USH2A: variants seen among roughly 807,000 people sequenced by gnomAD.
USH2A encodes Usher syndrome 2A (autosomal recessive, mild).
USH2A carries 443 observed loss-of-function variants against 538.9 expected under a neutral mutation model. The observed-to-expected ratio is 0.82, with a 90% CI of 0.76 to 0.89. The LOEUF is 0.89. Ranked by LOEUF, USH2A falls within the 40% of genes least tolerant of loss-of-function variation. The pLI is 0.00. For synonymous variants in USH2A, 2,413 were observed against 2,273.5 expected (o/e 1.06, Z -1.75); for missense variants, 6,633 against 6,324.8 (o/e 1.05, Z -1.65).
At chr1:216,026,969 T>C (rs1377829198) in intron 32 of USH2A, among the ~76,000 whole-genome samples, 1 of 152,190 alleles carries the variant, frequency 6.6e-6, no homozygotes, top group African/African-American at 2.4e-5. Flanking sequence ...TGTTCTTATA[T>C]TCTGTAGGCT....
At chr1:216,007,180 T>C (rs1278514567) in intron 32 of USH2A, among the ~76,000 whole-genome samples, 1 of 152,208 alleles carries the variant, frequency 6.6e-6, no homozygotes, top group Non-Finnish European at 1.5e-5. Context: ...CCCAGCCACA[T>C]GCAACTGTAA....
chr1:215,679,823 C>T (rs1658163900), intron 62 of USH2A, among the ~76,000 whole-genome samples: 1 of 152,172 alleles, frequency 6.6e-6, no homozygotes, highest in East Asian at 1.9e-4. Flanking sequence ...CTTCAAATCC[C>T]AACTCAATTA....
intron 8 of USH2A, 77 bp from the exon 9 acceptor site, chr1:216,322,053 G>A: frequency 7.3e-7 from 1 of 1,372,226 alleles, no homozygotes; most frequent in Non-Finnish European, 1.0e-6. Context: ...AGGACTATAT[G>A]CATTATGTGA....
At chr1:216,011,918 A>G (rs1034925296) in intron 32 of USH2A, among the ~76,000 whole-genome samples, 3 of 129,148 alleles carry the variant, frequency 2.3e-5, no homozygotes, top group Admixed American at 1.6e-4. Context: ...CCTGACATTC[A>G]CCCCATTTCC....
At chr1:215,941,475 T>A (rs1666631339) in intron 37 of USH2A, among the ~76,000 whole-genome samples, 2 of 152,150 alleles carry the variant, frequency 1.3e-5, no homozygotes, top group South Asian at 2.1e-4. Flanking sequence ...TTGGGCAAAC[T>A]TTTTTCCAGC....
intron 21 of USH2A, among the ~76,000 whole-genome samples, chr1:216,171,235 A>G (rs1343570907): frequency 6.6e-6 from 1 of 151,864 alleles, no homozygotes; most frequent in African/African-American, 2.4e-5. Flanking sequence ...TGTATTTTGG[A>G]TTGTGGGGCC....
chr1:215,674,109 G>A lies in USH2A; in HGVS notation c.13802C>T (p.Pro4601Leu), dbSNP rs1176215017. Reference sequence around the variant, plus strand: ...AGACATGGCTACCTACCTGTGAAATGGCTTCAGCTGGTTTACTATATATGA... The same window carrying A: ...AGACATGGCTACCTACCTGTGAAATAGCTTCAGCTGGTTTACTATATATGA... ...MQSYIVNQLK[P>L]FHRYEIRIQA... The change falls in exon 63 of 72, where the codon CCA becomes CTA. Residue 4601 changes from proline (P) to leucine (L), a missense_variant. Coordinates refer to ENST00000307340, the MANE Select transcript of USH2A (RefSeq NM_206933.4). The A allele has an allele frequency of 6.2e-6, 10 of 1,613,870 alleles. No individual in the cohort carries two copies. Among genetic ancestry groups the A allele is most frequent in the Non-Finnish European group, 8.5e-6 (10 of 1,179,990 alleles).
At chr1:216,324,465 A>C in intron 6 of USH2A, 113 bp from the exon 7 acceptor site, 1 of 1,036,826 alleles carries the variant, frequency 9.6e-7, no homozygotes, top group East Asian at 2.6e-5. Flanking sequence ...TCATAATTAT[A>C]GTTATCAAAT....
In USH2A at chr1:216,238,585, A is replaced by G. The variant is rs182314189; in HGVS notation, c.2810-6449T>C. ...TGTTCAAGTTATTGAATGGCATATT[A>G]AAACCAATGTGTCTCTAATGTACCT... On this transcript the variant is annotated intron_variant, in intron 13 of 71. Coordinates refer to ENST00000307340, the MANE Select transcript of USH2A (RefSeq NM_206933.4). 2.6e-4 allele frequency among the ~76,000 whole-genome samples: 39 copies of G among 152,336 alleles called. No individual in the cohort carries two copies. The East Asian group carries it at 7.3e-3, about 29-fold the overall frequency.
rs147118380 is a variant in USH2A at position 216,235,436 on chromosome 1, G to A, written c.2810-3300C>T. On this transcript the variant is annotated intron_variant, in intron 13 of 71. Coordinates refer to ENST00000307340, the MANE Select transcript of USH2A (RefSeq NM_206933.4). ...ACATATACATGGTCCAAATCAGCTC[G>A]CTAGTTTATTATTTTCCCATATTAT... Among the ~76,000 whole-genome samples the A allele has an allele frequency of 1.3e-4, 20 of 152,212 alleles. No homozygotes were observed. In the East Asian group the frequency reaches 1.7e-3, roughly 13 times the overall value.
chr1:215,676,396 G>C (rs1658028217), intron 62 of USH2A, among the ~76,000 whole-genome samples: 1 of 152,092 alleles, frequency 6.6e-6, no homozygotes, highest in African/African-American at 2.4e-5. Flanking sequence ...TCTGAATGCA[G>C]GTGTTTTTGA....
Position 215,628,960 on chromosome 1 carries a change from G to A in USH2A, c.15373C>T (p.Arg5125Cys), listed in dbSNP as rs771243585. The part of the protein sequence containing the change: ...IRSNRSACVL[R>C]IPSQNQTSLT... ...CTGGTTTGGTTTTGACTCGGGATGCGCAGGACACATGCACTCCGGTTGCTG... is the reference window on the plus strand; with the variant it reads ...CTGGTTTGGTTTTGACTCGGGATGCACAGGACACATGCACTCCGGTTGCTG... Residue 5125 changes from arginine (R) to cysteine (C), a missense_variant, in exon 71 of 72, where the codon CGC (arginine) becomes TGC (cysteine). By Grantham distance (180) the Arg-to-Cys change is radical. Coordinates refer to ENST00000307340, the MANE Select transcript of USH2A (RefSeq NM_206933.4). The A allele has an allele frequency of 2.2e-5, 35 of 1,614,104 alleles. No homozygotes were observed. Among genetic ancestry groups the A allele is most frequent in the South Asian group, 2.0e-4 (18 of 91,072 alleles).
chr1:215,756,935 C>CAAAT (rs1447527607), intron 58 of USH2A, among the ~76,000 whole-genome samples: 3,273 of 96,214 alleles, frequency 0.034, 57 homozygotes, highest in Non-Finnish European at 0.053. Context: ...AACAAACAAA[C>CAAAT]AAACAAATAA....
At chr1:216,355,179 T>C (rs2038359976) in intron 4 of USH2A, among the ~76,000 whole-genome samples, 1 of 151,886 alleles carries the variant, frequency 6.6e-6, no homozygotes. Flanking sequence ...GGCATACACC[T>C]GTAATCTCAG....
intron 35 of USH2A, among the ~76,000 whole-genome samples, chr1:215,986,310 CTTTTTT>C (rs34962559): frequency 0.19 from 24,557 of 131,386 alleles, 2,535 homozygotes; most frequent in African/African-American, 0.31. Context: ...TTTTCTTTTT[CTTTTTT>C]TTTTTTTTTT....
intron 4 of USH2A, among the ~76,000 whole-genome samples, chr1:216,349,305 T>A (rs2038233577): frequency 6.6e-6 from 1 of 151,996 alleles, no homozygotes; most frequent in Admixed American, 6.6e-5. Context: ...ACTCTTAAGA[T>A]TAAGAGCTTT....
intron 21 of USH2A, among the ~76,000 whole-genome samples, chr1:216,105,449 T>G (rs2032708128): frequency 6.6e-6 from 1 of 152,120 alleles, no homozygotes; most frequent in African/African-American, 2.4e-5. Context: ...CTATCAAATT[T>G]TAATTGACAT....
At position 216,046,358 on chromosome 1, in the gene USH2A, G is replaced by A. The variant is rs939780817; in HGVS notation, c.6325+73C>T. On this transcript the variant is annotated intron_variant, in intron 32 of 71. Transcript: ENST00000307340. ...TGCAGATATGGAACCCCTGGATATCGAGAGCCAACTATATGTATGTTTATA... is the reference window on the plus strand; with the variant it reads ...TGCAGATATGGAACCCCTGGATATCAAGAGCCAACTATATGTATGTTTATA... 81 of 1,578,140 alleles carry A rather than the reference G, an allele frequency of 5.1e-5. 1 individual carries two copies. Among genetic ancestry groups the A allele is most frequent in the South Asian group, 2.8e-4 (25 of 88,682 alleles).
intron 50 of USH2A, among the ~76,000 whole-genome samples, chr1:215,791,966 T>G (rs569011106): frequency 6.6e-6 from 1 of 152,334 alleles, no homozygotes; most frequent in Non-Finnish European, 1.5e-5. Context: ...TTTCTGCCCC[T>G]TCTGATTAGA....
Sources: gnomAD v4.1 joint callset for allele counts (sites outside exome capture counted in the v4.1 genomes callset) on GRCh38, gnomAD v4.1.1 for gene constraint, MANE v1.5 for transcripts, NCBI Gene and HGNC (gene_info 2026-07-23, HGNC 2026-07-21) for gene names.